P2RX4: variants seen among roughly 807,000 people sequenced by gnomAD.
P2RX4 encodes the protein P2X purinoceptor 4.
Under a neutral mutation model 48.0 loss-of-function variants are expected in P2RX4, and 37 were observed. That is an observed-to-expected ratio of 0.77 (90% CI 0.59 to 1.01). P2RX4 has a LOEUF of 1.01. Among genes scored for constraint, P2RX4 ranks in the 50% least tolerant of loss-of-function variants. P2RX4 has a pLI of 0.00. For synonymous variants in P2RX4, 200 were observed against 199.7 expected, an observed-to-expected ratio of 1.00 and a Z score of -0.01; for missense variants, 501 against 521.4, an observed-to-expected ratio of 0.96 and a Z score of 0.38.
intron 1 of P2RX4, among the ~76,000 whole-genome samples, chr12:121,212,593 G>A (rs1441744896): frequency 1.3e-5 from 2 of 148,914 alleles, no homozygotes; most frequent in Non-Finnish European, 3.0e-5. Context: ...TTCGAGACCA[G>A]CCTGGCCAAC....
In P2RX4 at chr12:121,223,088, G is replaced by A. The variant is rs1200904586; in HGVS notation, c.524+45G>A. 12 of 1,254,206 alleles carry A rather than the reference G, an allele frequency of 9.6e-6. No individual in the cohort carries two copies. The African/African-American group carries it at 1.6e-4, about 17-fold the overall frequency. 77.7% of individuals were successfully genotyped at this position (1,254,206 alleles called of 1,614,324 possible). A position where few individuals can be genotyped will look rare whatever the true frequency, so the allele number is the denominator to read the frequency against. On this transcript the variant is annotated intron_variant, in intron 5 of 11. Transcript: ENST00000337233. ...AGGAAGTGCCTTTTTGTTTTGTTTT[G>A]TTTTAGACACAGTTTCACTCTGTAT...
At chr12:121,217,376 A>G (rs779796188) in intron 2 of P2RX4, 95 bp downstream of exon 2, 10 of 1,233,908 alleles carry the variant, frequency 8.1e-6, no homozygotes, top group Non-Finnish European at 1.2e-5. Flanking sequence ...CTGAGTCCTG[A>G]CATCACCAAT....
At chr12:121,221,147 T>C (rs965383594) in intron 2 of P2RX4, among the ~76,000 whole-genome samples, 4 of 124,418 alleles carry the variant, frequency 3.2e-5, no homozygotes, top group Admixed American at 2.4e-4. Context: ...CTTTTGTGTG[T>C]GCGTGTGTCT....
chr12:121,225,218 A>AC (rs890862513), intron 5 of P2RX4, among the ~76,000 whole-genome samples: 49 of 148,950 alleles, frequency 3.3e-4, no homozygotes, highest in African/African-American at 1.2e-3. Context: ...GATTATAGGC[A>AC]CCCCCCACCA....
chr12:121,217,135 T>TGG lies in P2RX4; in HGVS notation c.138_139dup (p.Val47GlyfsTer28). On this transcript the variant is annotated frameshift_variant and splice_region_variant, in exon 2 of 12. Transcript: ENST00000337233. LOFTEE classifies it high-confidence loss of function. The stretch of plus-strand genomic sequence containing the variant: ...TAAGAGGCCTGTTTTATTTTATAGG[T>TGG]GGGTGTTTGTGTGGGAAAAGGGCTA... 6.2e-7 allele frequency: 1 copy of TGG among 1,613,976 alleles called. No individual in the cohort carries two copies. Among genetic ancestry groups the TGG allele is most frequent in the Non-Finnish European group, 8.5e-7 (1 of 1,179,858 alleles).
chr12:121,221,819 G>A, intron 2 of P2RX4, 94 bp from the exon 3 acceptor site: 1 of 999,494 alleles, frequency 1.0e-6, no homozygotes, highest in South Asian at 1.3e-5. Context: ...CACGCGGTCA[G>A]TGTTTGAGTT....
intron 8 of P2RX4, among the ~76,000 whole-genome samples, chr12:121,230,982 A>ATATATTTTTTTT (rs1471846304): frequency 2.6e-5 from 3 of 113,246 alleles, no homozygotes; most frequent in African/African-American, 3.5e-5. Flanking sequence ...ATATATATAT[A>ATATATTTTTTTT]TTTTTTTTTT....
intron 1 of P2RX4, chr12:121,216,431 GA>G (rs1886231163): frequency 6.3e-6 from 1 of 157,664 alleles, no homozygotes; most frequent in African/African-American, 2.4e-5. Context: ...TACATATAAA[GA>G]GCTTAGATCA....
In P2RX4 at chr12:121,221,901, TC is replaced by T. The variant is rs1190460348; in HGVS notation, c.283-8del. 6.2e-7 allele frequency: 1 copy of T among 1,613,744 alleles called. No individual in the cohort carries two copies. The highest frequency in any genetic ancestry group is 8.5e-7 in the Non-Finnish European group (1 of 1,179,718). ...CTGAGCGTGGCTTGCCCGTGCTGTCTCCCCTCTGCAGGAGGAAAACTCCCTC... is the reference window on the plus strand; with the variant it reads ...CTGAGCGTGGCTTGCCCGTGCTGTCTCCCTCTGCAGGAGGAAAACTCCCTC... On this transcript the variant is annotated splice_polypyrimidine_tract_variant and intron_variant, in intron 2 of 11. Transcript: ENST00000337233.
rs1256665857 is a variant in P2RX4 at position 121,233,033 on chromosome 12, A to G, written c.1081A>G (p.Met361Val). 1 of 1,613,924 alleles carries G rather than the reference A, an allele frequency of 6.2e-7. No homozygotes were observed. Among genetic ancestry groups the G allele is most frequent in the African/African-American group, 1.3e-5 (1 of 74,930 alleles). Reference protein sequence around the residue: ...VLCDIIVLYCMKKRLYYREKK... With the variant: ...VLCDIIVLYCVKKRLYYREKK... ...GTGTGACATCATAGTCCTCTACTGC[A>G]TGAAGAAAAGACTCTACTATCGGGA... The change falls in exon 11 of 12, where the codon ATG (methionine) becomes GTG (valine). Residue 361 changes from methionine (M) to valine (V), a missense_variant. This residue lies in a region of P2RX4 where 197 missense variants were observed against 219.5 expected (regional missense o/e 0.90). Coordinates refer to ENST00000337233, the MANE Select transcript of P2RX4 (RefSeq NM_002560.3).
intron 1 of P2RX4, 73 bp downstream of exon 1, chr12:121,210,371 G>A: frequency 1.5e-6 from 2 of 1,350,162 alleles, no homozygotes; most frequent in South Asian, 1.8e-5. Flanking sequence ...GCTCATCCTG[G>A]CCTCGGTCAC....
At chr12:121,233,398 G>A (rs780864406) in intron 11 of P2RX4, 125 bp from the exon 12 acceptor site, 15 of 978,912 alleles carry the variant, frequency 1.5e-5, no homozygotes, top group Non-Finnish European at 2.2e-5. Context: ...AACAGGAAGG[G>A]TTGGGTTCCA....
rs777697209 is a variant in P2RX4 at position 121,210,346 on chromosome 12, C to T, written c.134+48C>T. On this transcript the variant is annotated intron_variant, in intron 1 of 11. Coordinates refer to ENST00000337233, the MANE Select transcript of P2RX4 (RefSeq NM_002560.3). Reference sequence around the variant, plus strand: ...GGCGCGGCGGGTGCTGCCCTCGCGTCCGCGCCGTGCGGCGGCTCATCCTGG... The same window carrying T: ...GGCGCGGCGGGTGCTGCCCTCGCGTTCGCGCCGTGCGGCGGCTCATCCTGG... The T allele has an allele frequency of 1.5e-5, 22 of 1,422,492 alleles. No homozygotes were observed. In the African/African-American group the frequency reaches 3.3e-4, roughly 21 times the overall value. 88.1% of individuals were successfully genotyped at this position (1,422,492 alleles called of 1,614,324 possible). A position where few individuals can be genotyped will look rare whatever the true frequency, so the allele number is the denominator to read the frequency against.
Position 121,229,972 on chromosome 12 carries a change from A to G in P2RX4, c.884+873A>G, listed in dbSNP as rs1366840447. ...ATATCCCATTTCCAAATAAGGTCAC[A>G]CTCCCAAGCTTCAGGTAGATGTGAA... is the stretch of plus-strand genomic sequence containing the variant. On this transcript the variant is annotated intron_variant, in intron 8 of 11. Transcript: ENST00000337233. The surrounding 1 kb of genome is among the most constrained non-coding windows in gnomAD (Gnocchi z 4.6). 6.6e-6 allele frequency among the ~76,000 whole-genome samples: 1 copy of G among 151,838 alleles called. No individual in the cohort carries two copies. The highest frequency in any genetic ancestry group is 1.5e-5 in the Non-Finnish European group (1 of 67,980).
intron 1 of P2RX4, chr12:121,215,442 GTTTTTTTTTT>G (rs112097935): frequency 0.063 from 8,574 of 137,130 alleles, 592 homozygotes; most frequent in African/African-American, 0.18. Context: ...CCTGTAGATG[GTTTTTTTTTT>G]TTTTTTTTTT....
At chr12:121,225,385 ATTAT>A (rs914814585) in intron 5 of P2RX4, among the ~76,000 whole-genome samples, 18 of 149,790 alleles carry the variant, frequency 1.2e-4, no homozygotes, top group African/African-American at 4.2e-4. Context: ...GATTCTGTTT[ATTAT>A]TTATTTATTT....
At chr12:121,212,488 A>G (rs1407653572) in intron 1 of P2RX4, among the ~76,000 whole-genome samples, 1 of 133,526 alleles carries the variant, frequency 7.5e-6, no homozygotes, top group African/African-American at 2.8e-5. Context: ...CAAAAAAAAG[A>G]ATTTTTTTTT....
At chr12:121,212,820 A>ATTTTTTTTTTT (rs1268523637) in intron 1 of P2RX4, 4 of 42,770 alleles carry the variant, frequency 9.4e-5, no homozygotes, top group African/African-American at 4.9e-4. Flanking sequence ...ATATATATAT[A>ATTTTTTTTTTT]TATATTTTTT....
chr12:121,212,830 T>TTTTTTTTA (rs1348563168), intron 1 of P2RX4: 1 of 107,452 alleles, frequency 9.3e-6, no homozygotes, highest in Non-Finnish European at 2.0e-5. Context: ...ATATATTTTT[T>TTTTTTTTA]TTTTTTTTTT....
Sources: allele counts gnomAD v4.1 joint callset (sites outside exome capture counted in the v4.1 genomes callset), GRCh38; gene constraint gnomAD v4.1.1; regional missense constraint gnomAD v4.1.1; non-coding constraint Gnocchi (gnomAD v3.1); transcripts MANE v1.5; gene names NCBI Gene and HGNC (gene_info 2026-07-23, HGNC 2026-07-21).